Variants in ARHGEF38 observed in about 807,000 individuals in gnomAD.
ARHGEF38 encodes the protein Rho guanine nucleotide exchange factor 38.
A neutral mutation model predicts 79.9 loss-of-function variants in ARHGEF38; 79 were observed. The observed-to-expected ratio is 0.99, with a 90% CI of 0.82 to 1.19. The LOEUF (loss-of-function observed/expected upper bound fraction) is 1.19. Ranked by LOEUF, ARHGEF38 falls within the 50% of genes most tolerant of loss-of-function variation. ARHGEF38 has a pLI of 0.00. For missense variants in ARHGEF38, 962 were observed against 907.2 expected (o/e 1.06, Z -0.78); for synonymous variants, 366 against 328.3 (o/e 1.11, Z -1.24).
chr4:105,649,225 T>C (rs1046316388), intron 7 of ARHGEF38, among the ~76,000 whole-genome samples: 4 of 152,198 alleles, frequency 2.6e-5, no homozygotes, highest in African/African-American at 9.6e-5. Context: ...TATTAGTGAG[T>C]AACAGTCCTG....
At chr4:105,645,467 G>A in intron 6 of ARHGEF38, 80 bp downstream of exon 6, 2 of 1,231,380 alleles carry the variant, frequency 1.6e-6, no homozygotes, top group Non-Finnish European at 2.2e-6. Context: ...GAATGTTTAA[G>A]TAGTTATAGC....
rs114318844 is a variant in ARHGEF38, at chr4:105,640,726, G to A, written c.674+4306G>A. ...TGAAATACTTTTCTTTTACTCTCACGCTTGGTTTATAGTTTGATTTGCTAT... is the reference window on the plus strand; with the variant it reads ...TGAAATACTTTTCTTTTACTCTCACACTTGGTTTATAGTTTGATTTGCTAT... On this transcript the variant is annotated intron_variant, in intron 5 of 13. Transcript: ENST00000420470. 7.8e-3 allele frequency among the ~76,000 whole-genome samples: 1,182 copies of A among 152,152 alleles called. 6 individuals carry two copies. The highest frequency in any genetic ancestry group is 0.024 in the Middle Eastern group (7 of 294).
chr4:105,555,345 G>A (rs945296196), intron 1 of ARHGEF38, among the ~76,000 whole-genome samples: 4 of 152,090 alleles, frequency 2.6e-5, no homozygotes, highest in African/African-American at 9.7e-5. Flanking sequence ...ATTATCGAAC[G>A]CCTAATAGAG....
chr4:105,561,469 A>AGAATAGAATGGAATGGAATGGAATG (rs1560684572), intron 1 of ARHGEF38: 10 of 49,658 alleles, frequency 2.0e-4, no homozygotes, highest in Non-Finnish European at 3.7e-4. Flanking sequence ...AGAATAGAAT[A>AGAATAGAATGGAATGGAATGGAATG]GAATAGAATA....
intron 1 of ARHGEF38, among the ~76,000 whole-genome samples, chr4:105,555,344 C>T (rs755341639): frequency 6.6e-6 from 1 of 152,124 alleles, no homozygotes; most frequent in Non-Finnish European, 1.5e-5. Flanking sequence ...GATTATCGAA[C>T]GCCTAATAGA....
intron 3 of ARHGEF38, among the ~76,000 whole-genome samples, chr4:105,626,427 A>G (rs1026869444): frequency 6.6e-6 from 1 of 152,176 alleles, no homozygotes; most frequent in African/African-American, 2.4e-5. Flanking sequence ...AACTCATTTA[A>G]TCTGCAAACA....
intron 1 of ARHGEF38, among the ~76,000 whole-genome samples, chr4:105,585,804 T>C: frequency 7.4e-6 from 1 of 135,440 alleles, no homozygotes. Flanking sequence ...CTATCTCGGC[T>C]CACTGCAATC....
chr4:105,667,515 G>A lies in ARHGEF38; in HGVS notation c.1960G>A (p.Glu654Lys), dbSNP rs1730795476. The A allele has an allele frequency of 6.5e-7, 1 of 1,536,498 alleles. No homozygotes were observed. The highest frequency in any genetic ancestry group is 8.7e-7 in the Non-Finnish European group (1 of 1,146,998). Residue 654 changes from glutamate to lysine, a missense_variant, in exon 13 of 14, where the codon GAG (glutamate) becomes AAG (lysine). Physicochemically the swap from Glu to Lys is moderately conservative, Grantham distance 56. Transcript: ENST00000420470. ...AGCAAAAATGCAGAAAGTGGATGCT[G>A]AGAACAGGTTCTGTGACGATGATTT... ...NPAKMQKVDAENRFCDDDFEN... is the reference protein window; with the variant it reads ...NPAKMQKVDAKNRFCDDDFEN...
chr4:105,662,838 G>A (rs1730612992), intron 10 of ARHGEF38, among the ~76,000 whole-genome samples: 1 of 152,116 alleles, frequency 6.6e-6, no homozygotes, highest in Non-Finnish European at 1.5e-5. Context: ...TTTGAATCAT[G>A]TGATTTTTAA....
intron 1 of ARHGEF38, among the ~76,000 whole-genome samples, chr4:105,566,498 A>G (rs75912718): frequency 0.027 from 4,065 of 152,318 alleles, 184 homozygotes; most frequent in African/African-American, 0.091. Context: ...CATGCAATGC[A>G]TAGTAATTCC....
At chr4:105,645,992 A>C (rs975233292) in intron 6 of ARHGEF38, among the ~76,000 whole-genome samples, 1 of 152,216 alleles carries the variant, frequency 6.6e-6, no homozygotes, top group South Asian at 2.1e-4. Context: ...CATGGTTCCT[A>C]TACATCCCAG....
At chr4:105,571,309 T>C (rs1415806497) in intron 1 of ARHGEF38, among the ~76,000 whole-genome samples, 1 of 136,520 alleles carries the variant, frequency 7.3e-6, no homozygotes, top group Non-Finnish European at 1.5e-5. Flanking sequence ...CTCATCCTTT[T>C]TTTTTCTTTT....
chr4:105,582,515 T>C (rs1726846630), intron 1 of ARHGEF38, among the ~76,000 whole-genome samples: 1 of 152,136 alleles, frequency 6.6e-6, no homozygotes, highest in African/African-American at 2.4e-5. Flanking sequence ...TTGTAGGTTT[T>C]GGTTCTCTAT....
chr4:105,563,179 G>A (rs937853247), intron 1 of ARHGEF38: 6 of 151,680 alleles, frequency 4.0e-5, no homozygotes, highest in African/African-American at 1.2e-4. Context: ...CACATATTAA[G>A]TGGTTATTAT....
intron 3 of ARHGEF38, among the ~76,000 whole-genome samples, chr4:105,618,240 C>T (rs1465446249): frequency 6.6e-6 from 1 of 152,048 alleles, no homozygotes; most frequent in Non-Finnish European, 1.5e-5. Context: ...AATAAATATG[C>T]TGATATTGAA....
intron 1 of ARHGEF38, among the ~76,000 whole-genome samples, chr4:105,571,321 C>CTTTTTT (rs34707064): frequency 1.2e-4 from 11 of 89,750 alleles, no homozygotes; most frequent in Non-Finnish European, 1.3e-4. Flanking sequence ...TTTTCTTTTT[C>CTTTTTT]TTTTTTTTTT....
intron 2 of ARHGEF38, among the ~76,000 whole-genome samples, chr4:105,609,728 G>A (rs995899104): frequency 6.6e-6 from 1 of 152,018 alleles, no homozygotes; most frequent in South Asian, 2.1e-4. Context: ...AAATGTAATG[G>A]GAACTGGCTA....
At chr4:105,681,296 A>G (rs1379114686), downstream of ARHGEF38, among the ~76,000 whole-genome samples, 1 of 152,114 alleles carries the variant, frequency 6.6e-6, no homozygotes, top group Non-Finnish European at 1.5e-5. Flanking sequence ...CTTAAAAAAA[A>G]AAAGACCAAG....
At chr4:105,654,044 A>C (rs1730221357) in intron 7 of ARHGEF38, 21 bp from the exon 8 acceptor site, 1 of 1,304,290 alleles carries the variant, frequency 7.7e-7, no homozygotes, top group Non-Finnish European at 1.0e-6. Context: ...AGTTATGAAA[A>C]TAATTTCATA....
Sources: gnomAD v4.1 joint callset for allele counts (sites outside exome capture counted in the v4.1 genomes callset) on GRCh38, gnomAD v4.1.1 for gene constraint, MANE v1.5 for transcripts, NCBI Gene and HGNC (gene_info 2026-07-23, HGNC 2026-07-21) for gene names.